MGAT4C: variants seen among roughly 807,000 people sequenced by gnomAD.
MGAT4C encodes the protein alpha-1,3-mannosyl-glycoprotein 4-beta-N-acetylglucosaminyltransferase C.
Under a neutral mutation model 40.1 loss-of-function variants are expected in MGAT4C, and 19 were observed. The ratio of observed to expected loss-of-function variants is 0.47; its 90% CI spans 0.33 to 0.70. MGAT4C has a LOEUF of 0.70. MGAT4C is among the 30% of genes least tolerant of loss of function. The probability of loss-of-function intolerance (pLI) is 0.02; values close to 1 mark genes in which losing one functional copy is unlikely to be tolerated. For missense variants in MGAT4C, 491 were observed against 563.2 expected (o/e 0.87, Z 1.30); for synonymous variants, 181 against 187.1 (o/e 0.97, Z 0.27).
At chr12:86,293,432 TA>T (rs1196846538) in intron 4 of MGAT4C, among the ~76,000 whole-genome samples, 13 of 152,142 alleles carry the variant, frequency 8.5e-5, no homozygotes. Flanking sequence ...TTTCTGTTTT[TA>T]AAAAAATAAT....
At chr12:86,669,564 T>C (rs1964201139) in intron 2 of MGAT4C, among the ~76,000 whole-genome samples, 1 of 152,230 alleles carries the variant, frequency 6.6e-6, no homozygotes, top group Admixed American at 6.5e-5. Context: ...CCCAACTCCA[T>C]GACTAAACAC....
At position 85,967,029 on chromosome 12, in the gene MGAT4C, A is replaced by C. The variant is rs1248982203; in HGVS notation, c.*12260T>G. On this transcript the variant is annotated 3_prime_UTR_variant, in exon 5 of 5. Transcript: ENST00000611864. ...CCTGCAAGTTGTGCACATGTACCCT[A>C]AAACTTAAAGTATAATAATAAAAAA... The C allele has an allele frequency of 6.6e-6, 1 of 152,164 alleles. No homozygotes were observed. Among genetic ancestry groups the C allele is most frequent in the African/African-American group, 2.4e-5 (1 of 41,440 alleles). 9.4% of individuals were successfully genotyped at this position (152,164 alleles called of 1,614,324 possible).
chr12:86,487,479 T>C (rs1565795256), intron 2 of MGAT4C, among the ~76,000 whole-genome samples: 1 of 152,196 alleles, frequency 6.6e-6, no homozygotes, highest in Non-Finnish European at 1.5e-5. Context: ...TTAGTTGTCA[T>C]AAACTTACCA....
intron 2 of MGAT4C, among the ~76,000 whole-genome samples, chr12:86,041,447 T>C (rs1016327642): frequency 6.6e-6 from 1 of 152,152 alleles, no homozygotes; most frequent in Non-Finnish European, 1.5e-5. Context: ...ACTTTTGATG[T>C]GGCTGTTTAG....
intron 2 of MGAT4C, among the ~76,000 whole-genome samples, chr12:86,653,349 C>A (rs117541073): frequency 1.3e-5 from 2 of 151,842 alleles, no homozygotes; most frequent in East Asian, 3.9e-4. Flanking sequence ...ACTGTTTGTC[C>A]AATGTAGTAG....
At chr12:86,313,698 C>T (rs1320002984) in intron 4 of MGAT4C, among the ~76,000 whole-genome samples, 8 of 152,250 alleles carry the variant, frequency 5.3e-5, no homozygotes, top group East Asian at 3.9e-4. Flanking sequence ...AACTAAATTA[C>T]GTCTTAGCAA....
chr12:86,731,204 A>G (rs553298213), intron 1 of MGAT4C, among the ~76,000 whole-genome samples: 1 of 152,190 alleles, frequency 6.6e-6, no homozygotes, highest in East Asian at 1.9e-4. Context: ...GCTGTTCTGT[A>G]TAATAGAGAC....
intron 2 of MGAT4C, among the ~76,000 whole-genome samples, chr12:86,679,243 T>G (rs1229126524): frequency 6.6e-6 from 1 of 152,198 alleles, no homozygotes; most frequent in East Asian, 1.9e-4. Flanking sequence ...GAGAAGTGTC[T>G]GTTCATATCC....
intron 3 of MGAT4C, among the ~76,000 whole-genome samples, chr12:86,411,531 C>A (rs1045939658): frequency 6.6e-6 from 1 of 152,118 alleles, no homozygotes; most frequent in African/African-American, 2.4e-5. Flanking sequence ...AATTTCTAAG[C>A]AACAAAACAT....
At chr12:86,754,953 A>C (rs1242622995) in intron 1 of MGAT4C, among the ~76,000 whole-genome samples, 1 of 152,112 alleles carries the variant, frequency 6.6e-6, no homozygotes, top group Non-Finnish European at 1.5e-5. Flanking sequence ...TGAGTCTCTC[A>C]AATAATTTCT....
chr12:86,488,550 A>C (rs1958069645), intron 2 of MGAT4C, among the ~76,000 whole-genome samples: 1 of 152,172 alleles, frequency 6.6e-6, no homozygotes, highest in South Asian at 2.1e-4. Flanking sequence ...TAAGCAAATT[A>C]GATTTATTCT....
At chr12:86,385,426 G>A (rs1364903393) in intron 3 of MGAT4C, among the ~76,000 whole-genome samples, 2 of 151,956 alleles carry the variant, frequency 1.3e-5, no homozygotes, top group Non-Finnish European at 2.9e-5. Flanking sequence ...TTCATGTCAT[G>A]CCATAAGGAG....
intron 2 of MGAT4C, among the ~76,000 whole-genome samples, chr12:86,588,581 C>T (rs966214961): frequency 1.3e-5 from 2 of 151,988 alleles, no homozygotes; most frequent in African/African-American, 2.4e-5. Flanking sequence ...ACTCTCCACC[C>T]CAAATCAACA....
intron 2 of MGAT4C, among the ~76,000 whole-genome samples, chr12:86,660,287 C>T (rs1963950292): frequency 2.0e-5 from 3 of 151,980 alleles, no homozygotes; most frequent in Admixed American, 2.0e-4. Context: ...AGTCAAGAAC[C>T]CCTAGATTGT....
In MGAT4C at chr12:86,810,552, A is replaced by G. The variant is rs550363646; in HGVS notation, c.-262+28114T>C. Among the ~76,000 whole-genome samples the G allele has an allele frequency of 3.3e-5, 5 of 151,404 alleles. No homozygotes were observed. The South Asian group carries it at 1.0e-3, about 32-fold the overall frequency. On this transcript the variant is annotated intron_variant, in intron 1 of 7. Transcript: ENST00000548651. ...AGCTTCTATCATGAATGGTTATTGGATTTTGTTAAATGCTCTTGTGTCAAT... is the reference window on the plus strand; with the variant it reads ...AGCTTCTATCATGAATGGTTATTGGGTTTTGTTAAATGCTCTTGTGTCAAT...
intron 1 of MGAT4C, among the ~76,000 whole-genome samples, chr12:86,753,182 T>A (rs1246681204): frequency 1.3e-5 from 2 of 152,078 alleles, no homozygotes; most frequent in African/African-American, 4.8e-5. Context: ...AGGTAACATG[T>A]CCATAATGGC....
At chr12:86,572,636 T>C (rs1467978586) in intron 2 of MGAT4C, among the ~76,000 whole-genome samples, 1 of 152,166 alleles carries the variant, frequency 6.6e-6, no homozygotes, top group Non-Finnish European at 1.5e-5. Context: ...ATGACCTTTG[T>C]ATTTTTATGC....
At chr12:86,398,722 C>CT (rs1431288035) in intron 3 of MGAT4C, among the ~76,000 whole-genome samples, 1 of 151,758 alleles carries the variant, frequency 6.6e-6, no homozygotes, top group African/African-American at 2.4e-5. Flanking sequence ...TGAGGCAGGC[C>CT]TTAGAAACTA....
At chr12:86,522,558 C>A (rs1958813769) in intron 2 of MGAT4C, among the ~76,000 whole-genome samples, 1 of 152,012 alleles carries the variant, frequency 6.6e-6, no homozygotes, top group Non-Finnish European at 1.5e-5. Flanking sequence ...CTGAAGTTTT[C>A]TTTTTTTGTT....
Sources: allele counts gnomAD v4.1 joint callset (sites outside exome capture counted in the v4.1 genomes callset), GRCh38; gene constraint gnomAD v4.1.1; transcripts MANE v1.5; gene names NCBI Gene and HGNC (gene_info 2026-07-23, HGNC 2026-07-21).